The following MBTD1 variants were observed in gnomAD, a reference collection of about 807,000 sequenced individuals.
MBTD1 encodes the protein MBT domain-containing protein 1.
Under a neutral mutation model 87.8 loss-of-function variants are expected in MBTD1, and 24 were observed. The observed-to-expected ratio is 0.27, with a 90% CI of 0.20 to 0.38. The LOEUF is 0.38. MBTD1 is among the 10% of genes least tolerant of loss of function. MBTD1 has a pLI of 1.00. For missense variants in MBTD1, 436 were observed against 760.2 expected (o/e 0.57, Z 5.02); for synonymous variants, 237 against 248.6 (o/e 0.95, Z 0.44).
chr17:51,223,166 T>C (rs2053012660), intron 3 of MBTD1, among the ~76,000 whole-genome samples: 1 of 151,864 alleles, frequency 6.6e-6, no homozygotes. Flanking sequence ...TTATCAAAAC[T>C]GAAAATGATA....
At chr17:51,243,680 TA>T (rs1249347769) in intron 2 of MBTD1, among the ~76,000 whole-genome samples, 1 of 152,196 alleles carries the variant, frequency 6.6e-6, no homozygotes, top group Non-Finnish European at 1.5e-5. Flanking sequence ...TAGTGTCCTT[TA>T]ATCTGGAAGA....
intron 2 of MBTD1, chr17:51,250,299 C>T (rs2054701677): frequency 6.6e-6 from 1 of 152,110 alleles, no homozygotes; most frequent in South Asian, 2.1e-4. Context: ...TTCTCTAGGT[C>T]CCTACTATTG....
At chr17:51,226,165 C>T (rs1286520236) in intron 2 of MBTD1, among the ~76,000 whole-genome samples, 1 of 148,178 alleles carries the variant, frequency 6.7e-6, no homozygotes, top group Non-Finnish European at 1.5e-5. Flanking sequence ...GTGAGACTCC[C>T]ACTCTACCAA....
At chr17:51,230,273 T>C (rs547026447) in intron 2 of MBTD1, among the ~76,000 whole-genome samples, 4 of 152,352 alleles carry the variant, frequency 2.6e-5, no homozygotes, top group South Asian at 4.1e-4. Context: ...CACATTTAGA[T>C]ACAGTGTGGT....
At chr17:51,206,853 G>C in intron 7 of MBTD1, 35 bp downstream of exon 7, 1 of 1,359,816 alleles carries the variant, frequency 7.4e-7, no homozygotes, top group Non-Finnish European at 1.0e-6. Flanking sequence ...AAGGATCTCT[G>C]CATTTTCTAC....
At chr17:51,244,775 T>C (rs1276195406) in intron 2 of MBTD1, among the ~76,000 whole-genome samples, 1 of 152,164 alleles carries the variant, frequency 6.6e-6, no homozygotes, top group Non-Finnish European at 1.5e-5. Flanking sequence ...CTTATCAAGA[T>C]ATTCCAGGCT....
At position 51,239,356 on chromosome 17, in the gene MBTD1, A is replaced by T. The variant is rs754365992; in HGVS notation, c.-48-14147T>A. 5.9e-4 allele frequency among the ~76,000 whole-genome samples: 90 copies of T among 152,224 alleles called. 2 individuals are homozygous for T. Among genetic ancestry groups the T allele is most frequent in the Admixed American group, 9.2e-4 (14 of 15,286 alleles). Reference sequence around the variant, plus strand: ...TATTATAAGATCACTTTCTTTAAGGATGGTTATAGGTTTTTACCATAAAAT... The same window carrying T: ...TATTATAAGATCACTTTCTTTAAGGTTGGTTATAGGTTTTTACCATAAAAT... On this transcript the variant is annotated intron_variant, in intron 2 of 16. Transcript: ENST00000586178.
chr17:51,234,715 C>T (rs373224312), intron 2 of MBTD1, among the ~76,000 whole-genome samples: 2 of 152,156 alleles, frequency 1.3e-5, no homozygotes, highest in Non-Finnish European at 1.5e-5. Context: ...TTTTTTGAGA[C>T]GAAGTTTCGC....
chr17:51,246,476 TTTC>T (rs2054442075), intron 2 of MBTD1, among the ~76,000 whole-genome samples: 1 of 152,214 alleles, frequency 6.6e-6, no homozygotes, highest in Non-Finnish European at 1.5e-5. Flanking sequence ...TTTGTTGTAT[TTTC>T]TTAACTGGTT....
chr17:51,194,566 C>CAAAAAAAAAAAAAAAAAAAAAAAAAAAAA (rs71355733), intron 13 of MBTD1, among the ~76,000 whole-genome samples: 1 of 19,734 alleles, frequency 5.1e-5, no homozygotes, highest in African/African-American at 2.6e-4. Flanking sequence ...GAGACTGTCT[C>CAAAAAAAAAAAAAAAAAAAAAAAAAAAAA]AAAAAAAAAA....
At chr17:51,197,861 CCAAT>C (rs1250643134) in intron 12 of MBTD1, among the ~76,000 whole-genome samples, 1 of 152,092 alleles carries the variant, frequency 6.6e-6, no homozygotes, top group Non-Finnish European at 1.5e-5. Flanking sequence ...TTCTGGTCTA[CCAAT>C]CAATCTTCTC....
intron 12 of MBTD1, among the ~76,000 whole-genome samples, chr17:51,195,856 T>A (rs1370503194): frequency 1.3e-5 from 2 of 152,212 alleles, no homozygotes; most frequent in East Asian, 1.9e-4. Flanking sequence ...CTGGTCCACA[T>A]TAAGGGTCCT....
intron 10 of MBTD1, 98 bp from the exon 11 acceptor site, chr17:51,202,175 TA>T: frequency 1.4e-6 from 1 of 729,662 alleles, no homozygotes; most frequent in Non-Finnish European, 2.4e-6. Context: ...TGTCATACTA[TA>T]AAACATGGCA....
chr17:51,228,903 T>G (rs888857234), intron 2 of MBTD1, among the ~76,000 whole-genome samples: 71 of 2,570 alleles, frequency 0.028, no homozygotes, highest in South Asian at 0.043. Flanking sequence ...TTCTCGGGGG[T>G]GGGTGGGTGG....
chr17:51,197,520 CTT>C (rs548902033), intron 12 of MBTD1, among the ~76,000 whole-genome samples: 51 of 138,902 alleles, frequency 3.7e-4, no homozygotes, highest in Non-Finnish European at 3.6e-4. Context: ...TTTTTCTTTT[CTT>C]TTTTTTTTTT....
At chr17:51,231,856 T>C (rs891086199) in intron 2 of MBTD1, among the ~76,000 whole-genome samples, 7 of 152,096 alleles carry the variant, frequency 4.6e-5, no homozygotes, top group African/African-American at 1.4e-4. Context: ...CAGTGACTTA[T>C]CTAAGTTTTT....
At chr17:51,190,750 A>AAAATATATATATAT (rs1555677185) in intron 16 of MBTD1, among the ~76,000 whole-genome samples, 1 of 39,708 alleles carries the variant, frequency 2.5e-5, no homozygotes, top group African/African-American at 1.5e-4. Context: ...AAAAAAAAAA[A>AAAATATATATATAT]ATATATATAT....
At chr17:51,183,651 T>G (rs1354679713) in intron 16 of MBTD1, 1 of 152,206 alleles carries the variant, frequency 6.6e-6, no homozygotes. Flanking sequence ...CAAACAAGAC[T>G]GTGCAGTTAG....
intron 16 of MBTD1, among the ~76,000 whole-genome samples, chr17:51,190,455 ACACCT>A (rs1474724149): frequency 6.6e-6 from 1 of 151,958 alleles, no homozygotes; most frequent in Admixed American, 6.6e-5. Context: ...TCAGAGGATC[ACACCT>A]GTAATCCCAG....
Sources: allele counts gnomAD v4.1 joint callset (sites outside exome capture counted in the v4.1 genomes callset), GRCh38; gene constraint gnomAD v4.1.1; transcripts MANE v1.5; gene names NCBI Gene and HGNC (gene_info 2026-07-23, HGNC 2026-07-21).